Variants in FAM184A observed in about 807,000 individuals in gnomAD.
FAM184A encodes protein FAM184A.
Under a neutral mutation model 143.8 loss-of-function variants are expected in FAM184A, and 99 were observed. The ratio of observed to expected loss-of-function variants is 0.69; its 90% CI spans 0.58 to 0.81. The LOEUF is 0.81. FAM184A is among the 40% of genes least tolerant of loss of function. FAM184A has a pLI of 0.00. For missense variants in FAM184A, 1,217 were observed against 1,310.5 expected (o/e 0.93, Z 1.10); for synonymous variants, 427 against 446.4 (o/e 0.96, Z 0.55).
rs117111825 is a variant in FAM184A, at chr6:119,112,992, A to G, written c.-202+36086T>C. On this transcript the variant is annotated intron_variant, in intron 1 of 16. Coordinates refer to the FAM184A transcript ENST00000352896. ...TAAGTGGAGCTGCAGAAGGGAGGGG[A>G]AGGTTTTACTTCCTGTCTCTCTGGC... Among the ~76,000 whole-genome samples the G allele has an allele frequency of 2.9e-3, 444 of 152,124 alleles. 3 individuals are homozygous for G. The highest frequency in any genetic ancestry group is 4.0e-3 in the Non-Finnish European group (274 of 68,006).
intron 1 of FAM184A, among the ~76,000 whole-genome samples, chr6:119,057,426 A>G (rs1562131343): frequency 6.6e-6 from 1 of 152,178 alleles, no homozygotes; most frequent in Non-Finnish European, 1.5e-5. Context: ...TAATTTAGAG[A>G]TTCTACATTT....
chr6:119,063,453 T>C (rs1787332780), intron 1 of FAM184A, among the ~76,000 whole-genome samples: 1 of 152,372 alleles, frequency 6.6e-6, no homozygotes, highest in Admixed American at 6.5e-5. Flanking sequence ...TACTGGTTTC[T>C]ATCTTGATAT....
In FAM184A at chr6:119,024,820, G is replaced by A. The variant is rs41292562; in HGVS notation, c.160-7C>T. On this transcript the variant is annotated splice_region_variant and splice_polypyrimidine_tract_variant and intron_variant, in intron 1 of 17. Transcript: ENST00000338891. The stretch of plus-strand genomic sequence containing the variant: ...TGTTTAAAGCATATATTACCTGCAT[G>A]GTTTTGAATAAGAAGGGAGAAGGAT... 3 of 1,570,172 alleles carry A rather than the reference G, an allele frequency of 1.9e-6. No individual in the cohort carries two copies. Among genetic ancestry groups the A allele is most frequent in the South Asian group, 2.4e-5 (2 of 83,340 alleles).
At chr6:119,003,779 T>C (rs1784839229) in intron 7 of FAM184A, among the ~76,000 whole-genome samples, 157 bp from the exon 8 acceptor site, 1 of 152,256 alleles carries the variant, frequency 6.6e-6, no homozygotes, top group South Asian at 2.1e-4. Context: ...CAAGATTTTC[T>C]GAAAATAAAA....
Position 118,994,617 on chromosome 6 carries a change from C to T in FAM184A, c.2088+8282G>A, listed in dbSNP as rs927052660. 3.1e-4 allele frequency among the ~76,000 whole-genome samples: 47 copies of T among 151,618 alleles called. 2 individuals are homozygous for T. The highest frequency in any genetic ancestry group is 1.0e-3 in the African/African-American group (42 of 41,250). On this transcript the variant is annotated intron_variant, in intron 9 of 17. Transcript: ENST00000338891. ...AGGAGAATTGCTTGAACCCGGGAGG[C>T]GGAGGTTGCAGTGAACCGAGATTGC...
intron 1 of FAM184A, among the ~76,000 whole-genome samples, chr6:119,120,022 C>G (rs189404065): frequency 7.2e-5 from 11 of 152,232 alleles, no homozygotes; most frequent in African/African-American, 2.6e-4. Flanking sequence ...ACATAATTCA[C>G]GTACCCTAAA....
Position 119,127,406 on chromosome 6 carries a change from T to C in FAM184A, c.-202+21672A>G, listed in dbSNP as rs1236542570. ...CAGTGGAAGGGCAGGGCCTAGGATC[T>C]GACAGGGGAAAAGAGTAGCTAGGAC... On this transcript the variant is annotated intron_variant, in intron 1 of 16. Coordinates refer to the FAM184A transcript ENST00000352896. Among the ~76,000 whole-genome samples, 5 of 152,200 alleles carry C rather than the reference T, an allele frequency of 3.3e-5. No individual in the cohort carries two copies. In the East Asian group the frequency reaches 7.7e-4, roughly 23 times the overall value.
chr6:118,988,698 C>T (rs73523339), intron 9 of FAM184A, among the ~76,000 whole-genome samples: 3,634 of 152,170 alleles, frequency 0.024, 171 homozygotes, highest in African/African-American at 0.083. Context: ...CTTTTTAATC[C>T]TATTTCCTAG....
intron 11 of FAM184A, among the ~76,000 whole-genome samples, chr6:118,978,641 G>A (rs993810619): frequency 3.9e-5 from 6 of 152,184 alleles, no homozygotes; most frequent in African/African-American, 1.4e-4. Flanking sequence ...AACAGGGTCA[G>A]ACGGCTTTCC....
intron 1 of FAM184A, among the ~76,000 whole-genome samples, chr6:119,063,688 T>C (rs1049949822): frequency 3.3e-5 from 5 of 152,096 alleles, no homozygotes; most frequent in African/African-American, 9.7e-5. Context: ...CATAAGAAAA[T>C]AGCAGGTAAT....
chr6:119,139,697 A>G (rs1772150111), intron 1 of FAM184A, among the ~76,000 whole-genome samples: 1 of 152,118 alleles, frequency 6.6e-6, no homozygotes, highest in African/African-American at 2.4e-5. Context: ...TTTAAAACTA[A>G]ATTAATTGGC....
At chr6:119,059,811 T>G (rs1027227925) in intron 1 of FAM184A, among the ~76,000 whole-genome samples, 1 of 152,240 alleles carries the variant, frequency 6.6e-6, no homozygotes, top group Non-Finnish European at 1.5e-5. Context: ...GCTTTATTAA[T>G]GAAAATGGCT....
intron 1 of FAM184A, among the ~76,000 whole-genome samples, chr6:119,118,178 A>G (rs1339154249): frequency 6.6e-6 from 1 of 152,202 alleles, no homozygotes. Flanking sequence ...CTTATTTTTT[A>G]TAATAATGAA....
intron 2 of FAM184A, among the ~76,000 whole-genome samples, chr6:119,023,563 C>CA (rs1377753107): frequency 9.1e-6 from 1 of 109,674 alleles, no homozygotes; most frequent in African/African-American, 3.3e-5. Context: ...CCGCCCCCCC[C>CA]CCCAGGAACA....
chr6:118,996,858 G>A (rs1263743746), intron 9 of FAM184A, among the ~76,000 whole-genome samples: 2 of 151,208 alleles, frequency 1.3e-5, no homozygotes, highest in African/African-American at 2.4e-5. Flanking sequence ...GGAATTACAC[G>A]TGTGCATGAC....
In FAM184A at chr6:118,981,424, G is replaced by A. The variant is rs534647345; in HGVS notation, c.2089-1074C>T. Among the ~76,000 whole-genome samples, 3 of 152,246 alleles carry A rather than the reference G, an allele frequency of 2.0e-5. No homozygotes were observed. The South Asian group carries it at 6.2e-4, about 32-fold the overall frequency. ...TATGCTTTTATATACTGGTAAAACA[G>A]TTTCTGCGGCCAAAAAAGCCAATGA... On this transcript the variant is annotated intron_variant, in intron 9 of 17. Transcript: ENST00000338891.
At chr6:119,013,289 G>A (rs1228581320) in intron 5 of FAM184A, among the ~76,000 whole-genome samples, 1 of 151,948 alleles carries the variant, frequency 6.6e-6, no homozygotes, top group Non-Finnish European at 1.5e-5. Context: ...ATAATGAGGA[G>A]TAAAGTAATG....
At chr6:119,085,422 C>T (rs1255397589) in intron 1 of FAM184A, among the ~76,000 whole-genome samples, 2 of 152,204 alleles carry the variant, frequency 1.3e-5, no homozygotes. Context: ...GACATTTGCT[C>T]CAGTTTCCAA....
At chr6:119,054,686 T>A (rs2114753961) in intron 1 of FAM184A, among the ~76,000 whole-genome samples, 1 of 152,324 alleles carries the variant, frequency 6.6e-6, no homozygotes. Context: ...TTATTTGATA[T>A]GTATGCATTT....
Sources: gnomAD v4.1 joint callset for allele counts (sites outside exome capture counted in the v4.1 genomes callset) on GRCh38, gnomAD v4.1.1 for gene constraint, MANE v1.5 for transcripts, NCBI Gene and HGNC (gene_info 2026-07-23, HGNC 2026-07-21) for gene names.